SRRM4: variants seen among roughly 807,000 people sequenced by gnomAD.
The protein encoded by SRRM4 is serine/arginine repetitive matrix protein 4.
In SRRM4, 33 loss-of-function variants were observed where a neutral mutation model predicts 68.9. That is an observed-to-expected ratio of 0.48 (90% CI 0.36 to 0.64). The LOEUF (loss-of-function observed/expected upper bound fraction) is 0.64. Among genes scored for constraint, SRRM4 ranks in the 30% least tolerant of loss-of-function variants. SRRM4 has a pLI of 0.00. For synonymous variants in SRRM4, 318 were observed against 318.8 expected (o/e 1.00, Z 0.03); for missense variants, 817 against 827.1 (o/e 0.99, Z 0.15).
intron 1 of SRRM4, among the ~76,000 whole-genome samples, chr12:119,074,728 C>T (rs983254363): frequency 6.6e-6 from 1 of 152,078 alleles, no homozygotes; most frequent in Admixed American, 6.6e-5. Flanking sequence ...TTTTTTAAAC[C>T]ACCACACCCC....
At chr12:119,151,302 G>C in intron 10 of SRRM4, 82 bp downstream of exon 10, 3 of 1,317,342 alleles carry the variant, frequency 2.3e-6, no homozygotes, top group Non-Finnish European at 3.3e-6. Context: ...TGACCCATGG[G>C]GGAGAGAAGT....
intron 1 of SRRM4, among the ~76,000 whole-genome samples, chr12:119,037,801 T>G (rs1953639450): frequency 6.6e-6 from 1 of 152,208 alleles, no homozygotes; most frequent in African/African-American, 2.4e-5. Context: ...ATTTAGGACT[T>G]GAAATATCGG....
chr12:119,084,809 G>T (rs1953969896), intron 1 of SRRM4, among the ~76,000 whole-genome samples: 1 of 152,230 alleles, frequency 6.6e-6, no homozygotes, highest in African/African-American at 2.4e-5. Context: ...CTTCCTGAAA[G>T]AGGTGACATC....
intron 2 of SRRM4, among the ~76,000 whole-genome samples, chr12:119,112,992 C>T (rs770199726): frequency 1.3e-5 from 2 of 151,970 alleles, no homozygotes; most frequent in Non-Finnish European, 2.9e-5. Flanking sequence ...AAAAACAGCA[C>T]ATCAAAAGTT....
At chr12:118,988,735 C>T (rs1162045307) in intron 1 of SRRM4, among the ~76,000 whole-genome samples, 3 of 152,180 alleles carry the variant, frequency 2.0e-5, no homozygotes, top group African/African-American at 7.2e-5. Flanking sequence ...CAGGAACTCC[C>T]TGTTCCCGTG....
intron 1 of SRRM4, among the ~76,000 whole-genome samples, chr12:119,068,340 A>G (rs1336664960): frequency 6.6e-6 from 1 of 152,212 alleles, no homozygotes; most frequent in African/African-American, 2.4e-5. Context: ...TCACTGTCAT[A>G]GCCATCATCA....
intron 1 of SRRM4, among the ~76,000 whole-genome samples, chr12:119,078,114 G>A (rs1953927168): frequency 6.6e-6 from 1 of 152,180 alleles, no homozygotes; most frequent in Non-Finnish European, 1.5e-5. Context: ...GGAGTGGCAG[G>A]TGGGATGTAC....
chr12:119,087,447 T>C (rs186020073), intron 1 of SRRM4, among the ~76,000 whole-genome samples: 10 of 152,346 alleles, frequency 6.6e-5, no homozygotes, highest in African/African-American at 2.4e-4. Context: ...CAGAGGTCCA[T>C]GTAATGACAT....
At chr12:119,133,560 G>C (rs960942429) in intron 8 of SRRM4, among the ~76,000 whole-genome samples, 3 of 152,168 alleles carry the variant, frequency 2.0e-5, no homozygotes, top group Non-Finnish European at 4.4e-5. Flanking sequence ...CCCCAGATCT[G>C]GTTCTTTGAG....
chr12:119,080,429 A>G (rs1348450043), intron 1 of SRRM4, among the ~76,000 whole-genome samples: 1 of 152,136 alleles, frequency 6.6e-6, no homozygotes, highest in Admixed American at 6.5e-5. Context: ...TTTCCACACC[A>G]TTGTCTATGT....
intron 1 of SRRM4, among the ~76,000 whole-genome samples, chr12:119,055,128 C>T (rs1565898643): frequency 6.6e-6 from 1 of 152,130 alleles, no homozygotes; most frequent in Non-Finnish European, 1.5e-5. Context: ...AGAACGGATG[C>T]TCAGCAGGGA....
At chr12:119,002,223 C>T (rs967288415) in intron 1 of SRRM4, among the ~76,000 whole-genome samples, 14 of 141,442 alleles carry the variant, frequency 9.9e-5, no homozygotes, top group Admixed American at 2.1e-4. Context: ...AGAAAAGAAG[C>T]AAAAAAAAAA....
At chr12:118,998,089 T>C (rs759329676) in intron 1 of SRRM4, among the ~76,000 whole-genome samples, 6 of 151,980 alleles carry the variant, frequency 3.9e-5, no homozygotes, top group Non-Finnish European at 8.8e-5. Flanking sequence ...GGCACATCAA[T>C]CCGGATCTAT....
chr12:119,050,928 G>C (rs1245192660), intron 1 of SRRM4, among the ~76,000 whole-genome samples: 1 of 152,122 alleles, frequency 6.6e-6, no homozygotes, highest in Non-Finnish European at 1.5e-5. Context: ...CAAGTGCTCA[G>C]TAGCCACCTG....
At chr12:118,984,667 T>C (rs556067955) in intron 1 of SRRM4, among the ~76,000 whole-genome samples, 1 of 152,360 alleles carries the variant, frequency 6.6e-6, no homozygotes, top group Non-Finnish European at 1.5e-5. Context: ...GCATACATCA[T>C]GCAACTGCAA....
intron 1 of SRRM4, among the ~76,000 whole-genome samples, chr12:118,988,090 G>C (rs1204495034): frequency 6.6e-6 from 1 of 151,566 alleles, no homozygotes; most frequent in African/African-American, 2.4e-5. Context: ...ATTGTCTTAA[G>C]CATGATAATG....
At chr12:119,104,455 CATAATT>C (rs56330005) in intron 2 of SRRM4, among the ~76,000 whole-genome samples, 31,608 of 149,950 alleles carry the variant, frequency 0.21, 4,091 homozygotes, top group South Asian at 0.28. Context: ...TAAAAGTAAT[CATAATT>C]ATATTATATA....
chr12:119,084,207 T>C (rs1953966551), intron 1 of SRRM4, among the ~76,000 whole-genome samples: 3 of 151,966 alleles, frequency 2.0e-5, no homozygotes, highest in Admixed American at 2.0e-4. Flanking sequence ...AAGGTGAATA[T>C]TGGAGGAGAG....
At chr12:119,076,072 AATG>A (rs1187452930) in intron 1 of SRRM4, among the ~76,000 whole-genome samples, 1 of 151,642 alleles carries the variant, frequency 6.6e-6, no homozygotes, top group African/African-American at 2.4e-5. Flanking sequence ...TAGTAATGGT[AATG>A]ATAATAATAA....
Sources: allele counts gnomAD v4.1 joint callset (sites outside exome capture counted in the v4.1 genomes callset), GRCh38; gene constraint gnomAD v4.1.1; transcripts MANE v1.5; gene names NCBI Gene and HGNC (gene_info 2026-07-23, HGNC 2026-07-21).